The following CCDC85A variants were observed in gnomAD, a reference collection of about 807,000 sequenced individuals.
CCDC85A encodes coiled-coil domain containing 85A.
In CCDC85A, 38 loss-of-function variants were observed where a neutral mutation model predicts 50.2. The ratio of observed to expected loss-of-function variants is 0.76; its 90% confidence interval spans 0.58 to 0.99. The LOEUF is 0.99. Ranked by LOEUF, CCDC85A falls within the 50% of genes least tolerant of loss-of-function variation. CCDC85A has a pLI of 0.00. For missense variants in CCDC85A, 820 were observed against 742.0 expected (o/e 1.11, Z -1.22); for synonymous variants, 366 against 301.4 (o/e 1.21, Z -2.22).
chr2:56,342,894 A>G lies in CCDC85A; in HGVS notation c.1256A>G (p.Tyr419Cys), dbSNP rs1168415402. 22 of 1,591,514 alleles carry G rather than the reference A, an allele frequency of 1.4e-5. No homozygotes were observed. The highest frequency in any genetic ancestry group is 1.1e-4 in the East Asian group (5 of 44,064). The change falls in exon 3 of 6, where the codon TAT (tyrosine) becomes TGT (cysteine). Residue 419 changes from tyrosine (Y) to cysteine (C), a missense_variant. Tyr to Cys is a radical substitution (Grantham distance 194). Coordinates refer to ENST00000407595, the MANE Select transcript of CCDC85A (RefSeq NM_001080433.2). ...YSGMNESTLSYVRQLEARVRQ... is the reference protein window; with the variant it reads ...YSGMNESTLSCVRQLEARVRQ... ...TTAATTTTAGAATCAACCTTGTCCT[A>G]TGTTAGGCAGCTGGAGGCAAGAGTA...
At chr2:56,358,166 A>T (rs564614777) in intron 3 of CCDC85A, among the ~76,000 whole-genome samples, 4 of 152,308 alleles carry the variant, frequency 2.6e-5, no homozygotes, top group African/African-American at 9.6e-5. Context: ...CTCCACCACC[A>T]TCAGCCAAAA....
rs1675903493 is a variant in CCDC85A at position 56,184,466 on chromosome 2, C to T, written c.-159C>T. 1 of 805,224 alleles carries T rather than the reference C, an allele frequency of 1.2e-6. No homozygotes were observed. Among genetic ancestry groups the T allele is most frequent in the African/African-American group, 1.8e-5 (1 of 55,144 alleles). The allele number at this position is 805,224 out of a possible 1,614,324, so 49.9% of individuals were successfully genotyped here. ...GGGATGGCGAGGTAGGATGGCCACC[C>T]AGCGCGACCCCCGCCGCCCCAACCC... On this transcript the variant is annotated 5_prime_UTR_variant, in exon 1 of 6. It introduces an in-frame stop codon into an upstream open reading frame of the 5' UTR. Coordinates refer to ENST00000407595, the MANE Select transcript of CCDC85A (RefSeq NM_001080433.2).
intron 2 of CCDC85A, among the ~76,000 whole-genome samples, chr2:56,334,512 G>A (rs774344419): frequency 2.0e-5 from 3 of 152,192 alleles, no homozygotes; most frequent in Non-Finnish European, 2.9e-5. Flanking sequence ...CAGATGAGTT[G>A]AGGAAAAGGA....
intron 3 of CCDC85A, among the ~76,000 whole-genome samples, chr2:56,345,986 A>G (rs1051216762): frequency 6.6e-6 from 1 of 152,168 alleles, no homozygotes; most frequent in Admixed American, 6.5e-5. Flanking sequence ...AAGCGTGTCC[A>G]TTTGTCTTTG....
intron 2 of CCDC85A, among the ~76,000 whole-genome samples, chr2:56,249,839 G>T (rs1314251684): frequency 6.6e-6 from 1 of 152,094 alleles, no homozygotes; most frequent in Non-Finnish European, 1.5e-5. Flanking sequence ...TCCTTCAGAT[G>T]CCCCTTCCTC....
At chr2:56,302,764 T>C (rs1414432296) in intron 2 of CCDC85A, among the ~76,000 whole-genome samples, 1 of 152,238 alleles carries the variant, frequency 6.6e-6, no homozygotes. Flanking sequence ...TTCCATTTAT[T>C]TGTATATGTT....
intron 2 of CCDC85A, among the ~76,000 whole-genome samples, chr2:56,254,821 TG>T (rs1487607804): frequency 6.6e-6 from 1 of 152,200 alleles, no homozygotes; most frequent in Non-Finnish European, 1.5e-5. Context: ...TAGTATCACT[TG>T]GGCAAGAGAG....
chr2:56,337,588 A>C (rs953333964), intron 2 of CCDC85A, among the ~76,000 whole-genome samples: 1 of 151,986 alleles, frequency 6.6e-6, no homozygotes, highest in African/African-American at 2.4e-5. Flanking sequence ...GGCTCCACTC[A>C]TATCTCTCTG....
intron 2 of CCDC85A, among the ~76,000 whole-genome samples, chr2:56,329,945 GTTTTTTTTTTTTTTTTTTTTTTTT>G (rs535050957): frequency 2.3e-5 from 1 of 44,118 alleles, no homozygotes; most frequent in Non-Finnish European, 4.8e-5. Flanking sequence ...CAGATTTCCT[GTTTTTTTTTTTTTTTTTTTTTTTT>G]TTTTTTTTTT....
At chr2:56,296,258 G>T (rs147478133) in intron 2 of CCDC85A, among the ~76,000 whole-genome samples, 3 of 152,094 alleles carry the variant, frequency 2.0e-5, no homozygotes, top group East Asian at 3.9e-4. Flanking sequence ...TGTGGTAAAG[G>T]TGTATCCCAA....
chr2:56,331,936 GC>G (rs1256319897), intron 2 of CCDC85A, among the ~76,000 whole-genome samples: 5 of 152,024 alleles, frequency 3.3e-5, no homozygotes, highest in Non-Finnish European at 5.9e-5. Context: ...GCTGCCCCCT[GC>G]CCCCTCCCCG....
intron 4 of CCDC85A, among the ~76,000 whole-genome samples, chr2:56,374,467 T>A (rs1306554914): frequency 6.6e-6 from 1 of 152,198 alleles, no homozygotes; most frequent in Non-Finnish European, 1.5e-5. Context: ...TCCATACCTA[T>A]AATTGCTGGG....
rs764849312 is a variant in CCDC85A at position 56,193,008 on chromosome 2, C to T, written c.808C>T (p.Arg270Cys). ...ACCCAGAGCCTGTGGAACCCCAGAT[C>T]GCCCCAAAGCACTCAAAGGACCTAG... ...QKPRACGTPD[R>C]PKALKGPSPE... Residue 270 changes from arginine to cysteine, a missense_variant, in exon 2 of 6, where the codon CGC becomes TGC. Physicochemically the swap from Arg to Cys is radical, Grantham distance 180 (BLOSUM62 -3). Coordinates refer to ENST00000407595, the MANE Select transcript of CCDC85A (RefSeq NM_001080433.2). The T allele has an allele frequency of 5.0e-6, 8 of 1,613,632 alleles. No homozygotes were observed. The highest frequency in any genetic ancestry group is 5.9e-6 in the Non-Finnish European group (7 of 1,179,866).
intron 2 of CCDC85A, among the ~76,000 whole-genome samples, chr2:56,279,313 A>G (rs1468663594): frequency 6.6e-6 from 1 of 152,200 alleles, no homozygotes; most frequent in South Asian, 2.1e-4. Context: ...ATATAATCCA[A>G]TGGTTTTCAG....
chr2:56,270,037 A>T (rs1022418201), intron 2 of CCDC85A, among the ~76,000 whole-genome samples: 4 of 152,182 alleles, frequency 2.6e-5, no homozygotes, highest in Admixed American at 2.6e-4. Context: ...GTGTAGAAAT[A>T]GCCTGTCAAA....
intron 3 of CCDC85A, among the ~76,000 whole-genome samples, chr2:56,350,168 T>C (rs1259207021): frequency 7.7e-6 from 1 of 129,588 alleles, no homozygotes; most frequent in Non-Finnish European, 1.5e-5. Flanking sequence ...TTTTTTCTTC[T>C]CTTATTTTTT....
chr2:56,232,343 C>G (rs1668809224), intron 2 of CCDC85A, among the ~76,000 whole-genome samples: 1 of 152,124 alleles, frequency 6.6e-6, no homozygotes. Context: ...TTGTTCAAAC[C>G]AAATATCTCC....
chr2:56,193,103 C>G lies in CCDC85A; in HGVS notation c.903C>G (p.Ser301Arg). Residue 301 changes from serine to arginine, a missense_variant, in exon 2 of 6, where the codon AGC becomes AGG. Ser to Arg is a moderately radical substitution (Grantham distance 110). Transcript: ENST00000407595. Reference protein sequence around the residue: ...EQQRHPHPGSSPETLPKHVLS... With the variant: ...EQQRHPHPGSRPETLPKHVLS... ...AAAGGCACCCGCATCCAGGGAGCAG[C>G]CCCGAAACGCTGCCCAAGCACGTGC... The G allele has an allele frequency of 6.2e-7, 1 of 1,613,858 alleles. No homozygotes were observed. The highest frequency in any genetic ancestry group is 8.5e-7 in the Non-Finnish European group (1 of 1,179,858).
intron 2 of CCDC85A, among the ~76,000 whole-genome samples, chr2:56,208,328 T>C (rs562094638): frequency 1.2e-4 from 18 of 152,242 alleles, no homozygotes; most frequent in African/African-American, 4.1e-4. Context: ...ACAATGAAGT[T>C]TTATCCATAC....
Sources: allele counts gnomAD v4.1 joint callset (sites outside exome capture counted in the v4.1 genomes callset), GRCh38; gene constraint gnomAD v4.1.1; transcripts MANE v1.5; gene names NCBI Gene and HGNC (gene_info 2026-07-23, HGNC 2026-07-21).